UNC5D: variants seen among roughly 807,000 people sequenced by gnomAD.
UNC5D encodes unc-5 netrin receptor D, also known as netrin receptor UNC5D.
In UNC5D, 39 loss-of-function variants were observed where a neutral mutation model predicts 105.4. That is an observed-to-expected ratio of 0.37 (90% CI 0.29 to 0.48). UNC5D has a LOEUF of 0.48. Ranked by LOEUF, UNC5D falls within the 20% of genes least tolerant of loss-of-function variation. The pLI, the probability that UNC5D is intolerant of heterozygous loss-of-function variation, is 0.98. For missense variants in UNC5D, 991 were observed against 1,202.4 expected (o/e 0.82, Z 2.60); for synonymous variants, 452 against 450.4 (o/e 1.00, Z -0.04).
In UNC5D at chr8:35,759,429, C is replaced by T. The variant is rs1406321579; in HGVS notation, c.2273C>T (p.Pro758Leu). Residue 758 changes from proline (P) to leucine (L), a missense_variant, in exon 14 of 17, where the codon CCC (proline) becomes CTC (leucine). Around this residue, in one of 3 missense-constraint regions of UNC5D, gnomAD observed 944 missense variants for 1,131.6 expected, o/e 0.83. Coordinates refer to ENST00000404895, the MANE Select transcript of UNC5D (RefSeq NM_080872.4). ...FSLQISVLDI[P>L]PFLWRIKPFT... ...CTTCAGATTTCTGTCCTTGATATTC[C>T]CCCATTCCTCTGGAGAATTAAACCA... 1.9e-6 allele frequency: 3 copies of T among 1,613,986 alleles called. No individual in the cohort carries two copies. Among genetic ancestry groups the T allele is most frequent in the Admixed American group, 1.7e-5 (1 of 59,970 alleles).
chr8:35,594,466 T>G (rs1819367026), intron 3 of UNC5D, among the ~76,000 whole-genome samples: 1 of 152,200 alleles, frequency 6.6e-6, no homozygotes. Flanking sequence ...GCCTGTAATT[T>G]GAGATACTCA....
chr8:35,772,936 T>C lies in UNC5D; in HGVS notation c.2479-1363T>C, dbSNP rs1802074228. Among the ~76,000 whole-genome samples the C allele has an allele frequency of 2.0e-5, 3 of 151,988 alleles. No homozygotes were observed. In the South Asian group the frequency reaches 6.2e-4, roughly 32 times the overall value. ...AAGCCACCCTCAGGTCCCAGATACA[T>C]GACCCCCTCTATAGGAAGCTCATAG... On this transcript the variant is annotated intron_variant, in intron 15 of 16. Coordinates refer to ENST00000404895, the MANE Select transcript of UNC5D (RefSeq NM_080872.4).
chr8:35,768,813 A>C (rs566959435), intron 15 of UNC5D, among the ~76,000 whole-genome samples: 3 of 152,354 alleles, frequency 2.0e-5, no homozygotes, highest in Admixed American at 2.0e-4. Flanking sequence ...AGAAGATAAC[A>C]TCATAATATC....
intron 1 of UNC5D, among the ~76,000 whole-genome samples, chr8:35,363,833 G>A (rs1218510501): frequency 6.6e-6 from 1 of 152,066 alleles, no homozygotes; most frequent in African/African-American, 2.4e-5. Flanking sequence ...ATCTAGTGAT[G>A]ATTCTTTCCT....
At chr8:35,702,817 C>T (rs575340866) in intron 7 of UNC5D, among the ~76,000 whole-genome samples, 12 of 152,168 alleles carry the variant, frequency 7.9e-5, no homozygotes, top group Admixed American at 7.9e-4. Flanking sequence ...GGGACTAAAA[C>T]CCTCTTGGGC....
intron 4 of UNC5D, among the ~76,000 whole-genome samples, chr8:35,617,108 G>A (rs1286688024): frequency 6.6e-6 from 1 of 152,092 alleles, no homozygotes; most frequent in Non-Finnish European, 1.5e-5. Flanking sequence ...CTTAGCAAAT[G>A]TAGACTGCCT....
At chr8:35,559,954 T>G (rs1325038667) in intron 2 of UNC5D, among the ~76,000 whole-genome samples, 1 of 152,140 alleles carries the variant, frequency 6.6e-6, no homozygotes, top group Non-Finnish European at 1.5e-5. Flanking sequence ...AGTTCTGTGC[T>G]GCTCCATTAT....
intron 7 of UNC5D, among the ~76,000 whole-genome samples, chr8:35,688,637 G>T (rs1826186313): frequency 6.6e-6 from 1 of 152,200 alleles, no homozygotes; most frequent in Non-Finnish European, 1.5e-5. Context: ...GCTGCCTTCA[G>T]AAAGCTTTCC....
chr8:35,361,255 G>T (rs968175563), intron 1 of UNC5D, among the ~76,000 whole-genome samples: 1 of 152,060 alleles, frequency 6.6e-6, no homozygotes. Context: ...CTTTCTTCAT[G>T]CAAATATTGT....
intron 1 of UNC5D, among the ~76,000 whole-genome samples, chr8:35,271,713 T>TATACTTG (rs1563268302): frequency 1.2e-5 from 1 of 85,392 alleles, no homozygotes; most frequent in African/African-American, 5.8e-5. Context: ...ACATATATAT[T>TATACTTG]TATACATGTA....
At chr8:35,433,405 T>C (rs1378913689) in intron 1 of UNC5D, among the ~76,000 whole-genome samples, 1 of 152,182 alleles carries the variant, frequency 6.6e-6, no homozygotes, top group Non-Finnish European at 1.5e-5. Context: ...TCTTGCTTTA[T>C]GATAGCATAT....
At chr8:35,747,431 C>T (rs1381534483) in intron 11 of UNC5D, among the ~76,000 whole-genome samples, 1 of 152,114 alleles carries the variant, frequency 6.6e-6, no homozygotes, top group Non-Finnish European at 1.5e-5. Context: ...TTTTGCCCAA[C>T]GGGTTGCTTT....
intron 2 of UNC5D, among the ~76,000 whole-genome samples, chr8:35,556,332 A>G (rs1220700884): frequency 1.3e-5 from 2 of 152,144 alleles, no homozygotes. Flanking sequence ...TGCCCTTTCT[A>G]GAGTATCATT....
At chr8:35,485,736 G>GT (rs1322064469) in intron 1 of UNC5D, among the ~76,000 whole-genome samples, 1 of 152,196 alleles carries the variant, frequency 6.6e-6, no homozygotes, top group African/African-American at 2.4e-5. Context: ...CCTGAGCAAA[G>GT]TGTTAATTTT....
intron 11 of UNC5D, among the ~76,000 whole-genome samples, chr8:35,746,390 T>C (rs750797018): frequency 1.3e-5 from 2 of 152,164 alleles, no homozygotes; most frequent in Admixed American, 1.3e-4. Flanking sequence ...GAGAGATTTT[T>C]GTGAAGTTCC....
At chr8:35,687,972 T>TAC (rs1179454835) in intron 7 of UNC5D, among the ~76,000 whole-genome samples, 14 of 151,332 alleles carry the variant, frequency 9.3e-5, no homozygotes, top group South Asian at 6.3e-4. Context: ...CTACTAAAAA[T>TAC]ACAAAAAAAA....
At chr8:35,623,712 C>A (rs1821507082) in intron 4 of UNC5D, among the ~76,000 whole-genome samples, 1 of 152,126 alleles carries the variant, frequency 6.6e-6, no homozygotes, top group South Asian at 2.1e-4. Flanking sequence ...TTTTTAATAA[C>A]CATTTTTTCA....
chr8:35,443,420 G>C (rs938563885), intron 1 of UNC5D, among the ~76,000 whole-genome samples: 9 of 151,704 alleles, frequency 5.9e-5, no homozygotes, highest in Admixed American at 5.9e-4. Context: ...AAAAAGTTGT[G>C]AAACAGTGAG....
intron 1 of UNC5D, among the ~76,000 whole-genome samples, chr8:35,513,132 C>T (rs1356626476): frequency 6.6e-6 from 1 of 152,076 alleles, no homozygotes; most frequent in Non-Finnish European, 1.5e-5. Context: ...TGGGACTTCG[C>T]ACTTGCTATT....
Sources: allele counts gnomAD v4.1 joint callset (sites outside exome capture counted in the v4.1 genomes callset), GRCh38; gene constraint gnomAD v4.1.1; regional missense constraint gnomAD v4.1.1; transcripts MANE v1.5; gene names NCBI Gene and HGNC (gene_info 2026-07-23, HGNC 2026-07-21).